PECR: variants seen among roughly 807,000 people sequenced by gnomAD.
PECR encodes peroxisomal trans-2-enoyl-CoA reductase.
A neutral mutation model predicts 35.3 loss-of-function variants in PECR; 30 were observed. That is an observed-to-expected ratio of 0.85 (90% CI 0.64 to 1.15). The LOEUF is 1.15. Among genes scored for constraint, PECR ranks in the 50% most tolerant of loss-of-function variants. The pLI, the probability that PECR is intolerant of heterozygous loss-of-function variation, is 0.00. For synonymous variants in PECR, 148 were observed against 138.9 expected, an observed-to-expected ratio of 1.07 and a Z score of -0.46; for missense variants, 392 against 370.8, an observed-to-expected ratio of 1.06 and a Z score of -0.47.
chr2:216,038,235 A>C (rs961971091), downstream of PECR, among the ~76,000 whole-genome samples: 8 of 152,256 alleles, frequency 5.3e-5, no homozygotes, highest in Non-Finnish European at 1.5e-5. Flanking sequence ...ATAAGGGTCT[A>C]ACTATCAGAC....
chr2:216,043,601 C>CTT (rs1289955694), intron 7 of PECR, among the ~76,000 whole-genome samples: 1 of 152,134 alleles, frequency 6.6e-6, no homozygotes, highest in Non-Finnish European at 1.5e-5. Context: ...AAAACTATAG[C>CTT]ATGCTCTTGC....
intron 5 of PECR, 32 bp downstream of exon 5, chr2:216,051,417 T>A: frequency 2.4e-6 from 3 of 1,250,438 alleles, no homozygotes; most frequent in Non-Finnish European, 3.5e-6. Context: ...GCATAATTTG[T>A]CAATAAATTT....
At position 216,039,214 on chromosome 2, in the gene PECR, C is replaced by G. The variant is rs767235216; in HGVS notation, c.*61G>C. On this transcript the variant is annotated 3_prime_UTR_variant, in exon 8 of 8. Transcript: ENST00000265322. ...ACCAACTATAAGCTTTTAAAAAGTA[C>G]AGAAGCATATCCTCAAGATGTGAAG... is the stretch of plus-strand genomic sequence containing the variant. 18 of 890,690 alleles carry G rather than the reference C, an allele frequency of 2.0e-5. No homozygotes were observed. The highest frequency in any genetic ancestry group is 2.7e-5 in the Non-Finnish European group (14 of 519,914). The allele number at this position is 890,690 out of a possible 1,614,324, so 55.2% of individuals were successfully genotyped here.
At chr2:216,046,510 C>T (rs184376325) in intron 6 of PECR, among the ~76,000 whole-genome samples, 37 of 151,868 alleles carry the variant, frequency 2.4e-4, no homozygotes, top group Admixed American at 2.1e-3. Flanking sequence ...CGGGGTTTCG[C>T]CATGTTGGCC....
chr2:216,029,431 T>C (rs1694646246), intron 7 of PECR, among the ~76,000 whole-genome samples: 1 of 151,794 alleles, frequency 6.6e-6, no homozygotes, highest in African/African-American at 2.4e-5. Context: ...TGAGCTGAGA[T>C]CACGCCACTG....
intron 1 of PECR, among the ~76,000 whole-genome samples, chr2:216,078,990 G>A (rs981337941): frequency 3.9e-5 from 6 of 152,112 alleles, no homozygotes; most frequent in Non-Finnish European, 7.4e-5. Flanking sequence ...AGGGTCCTAC[G>A]AATCTGCTGA....
At chr2:216,051,688 T>C in intron 4 of PECR, 143 bp from the exon 5 acceptor site, 1 of 697,676 alleles carries the variant, frequency 1.4e-6, no homozygotes. Flanking sequence ...AGCTTCTGTC[T>C]AAACAACGAA....
In PECR at chr2:216,043,941, C is replaced by G. The variant is rs1357547627; in HGVS notation, c.789G>C (p.Gly263=). 1 of 1,611,504 alleles carries G rather than the reference C, an allele frequency of 6.2e-7. No individual in the cohort carries two copies. The highest frequency in any genetic ancestry group is 1.3e-5 in the African/African-American group (1 of 74,988). ...FITGQSVDVD[G]GRSLYTHSYE... Reference sequence around the variant, plus strand: ...ACGAGTGAGTATAGAGACTCCGGCCCCCATCCACATCCACCGACTGTCCAG... The same window carrying G: ...ACGAGTGAGTATAGAGACTCCGGCCGCCATCCACATCCACCGACTGTCCAG... Residue 263 remains glycine (G), a synonymous_variant, in exon 7 of 8, where the codon GGG becomes GGC. Transcript: ENST00000265322.
intron 1 of PECR, among the ~76,000 whole-genome samples, chr2:216,080,844 A>T (rs919544066): frequency 2.6e-5 from 4 of 152,052 alleles, no homozygotes; most frequent in African/African-American, 9.7e-5. Flanking sequence ...CTTTATTTGT[A>T]AGAGCTCTTT....
intron 1 of PECR, among the ~76,000 whole-genome samples, chr2:216,068,225 CAAAAAAAAAAAA>C (rs34646067): frequency 3.1e-5 from 2 of 65,016 alleles, no homozygotes; most frequent in African/African-American, 5.8e-5. Flanking sequence ...GACTCCATAT[CAAAAAAAAAAAA>C]AAAAAAAAAA....
chr2:216,069,747 C>A (rs973706746), intron 1 of PECR, among the ~76,000 whole-genome samples: 2 of 151,928 alleles, frequency 1.3e-5, no homozygotes, highest in Non-Finnish European at 2.9e-5. Context: ...ACCAGCTTGA[C>A]CAACATGGCA....
intron 6 of PECR, among the ~76,000 whole-genome samples, 188 bp downstream of exon 6, chr2:216,049,075 C>G (rs1328565806): frequency 6.6e-6 from 1 of 152,166 alleles, no homozygotes; most frequent in Non-Finnish European, 1.5e-5. Context: ...CATTCACTCT[C>G]AAGTACAGAT....
chr2:216,029,477 A>G (rs917625426), intron 7 of PECR, among the ~76,000 whole-genome samples: 2 of 152,208 alleles, frequency 1.3e-5, no homozygotes, highest in Non-Finnish European at 2.9e-5. Flanking sequence ...CTCCATCTCA[A>G]AAGAAGGATT....
Position 216,039,346 on chromosome 2 carries a change from G to A in PECR, c.841C>T (p.Pro281Ser), listed in dbSNP as rs770515165. The A allele has an allele frequency of 1.2e-6, 2 of 1,602,014 alleles. No individual in the cohort carries two copies. The highest frequency in any genetic ancestry group is 8.6e-7 in the Non-Finnish European group (1 of 1,169,038). The change falls in exon 8 of 8, where the codon CCC (proline) becomes TCC (serine). Residue 281 changes from proline (P) to serine (S), a missense_variant. Physicochemically the swap from Pro to Ser is moderately conservative, Grantham distance 74. Transcript: ENST00000265322. The stretch of plus-strand genomic sequence containing the variant: ...ACAGAAAGGTCCCCTGCTCCCTTGG[G>A]CCAGTTGTCATGATCTGTTAAAGAA... ...SYEVPDHDNWPKGAGDLSVVK... is the reference protein window; with the variant it reads ...SYEVPDHDNWSKGAGDLSVVK...
intron 1 of PECR, among the ~76,000 whole-genome samples, chr2:216,067,075 C>A (rs924649002): frequency 2.0e-5 from 3 of 151,948 alleles, no homozygotes; most frequent in African/African-American, 4.8e-5. Flanking sequence ...CAGCTTGCTG[C>A]CTGGAGAAAG....
chr2:216,054,349 G>T (rs1179374266), intron 4 of PECR, among the ~76,000 whole-genome samples: 4 of 147,912 alleles, frequency 2.7e-5, no homozygotes, highest in Non-Finnish European at 3.0e-5. Flanking sequence ...GTTAAATAAG[G>T]TCACTAAGTT....
downstream of PECR, among the ~76,000 whole-genome samples, chr2:216,037,764 C>A (rs1694817926): frequency 1.3e-5 from 2 of 152,016 alleles, no homozygotes; most frequent in Admixed American, 1.3e-4. Context: ...AACCCCAGAG[C>A]TTGGTAACTC....
At chr2:216,046,289 C>CATATATATATAT (rs1307643558) in intron 6 of PECR, among the ~76,000 whole-genome samples, 7 of 107,996 alleles carry the variant, frequency 6.5e-5, no homozygotes, top group East Asian at 2.6e-4. Context: ...TATATATATA[C>CATATATATATAT]ATACATATAT....
chr2:216,066,274 G>A (rs1432798288), intron 2 of PECR, 111 bp downstream of exon 2: 1 of 890,962 alleles, frequency 1.1e-6, no homozygotes, highest in East Asian at 2.4e-5. Flanking sequence ...TGCTTCTAGT[G>A]AGCCTCATCT....
Sources: gnomAD v4.1 joint callset for allele counts (sites outside exome capture counted in the v4.1 genomes callset) on GRCh38, gnomAD v4.1.1 for gene constraint, MANE v1.5 for transcripts, NCBI Gene and HGNC (gene_info 2026-07-23, HGNC 2026-07-21) for gene names.